Variants in SYNJ1 observed in about 807,000 individuals in gnomAD.
SYNJ1 encodes the protein synaptojanin 1, also known as polyphosphatidylinositol phosphatase SYNJ1.
SYNJ1 carries 78 observed loss-of-function variants against 168.2 expected under a neutral mutation model. The ratio of observed to expected loss-of-function variants is 0.46; its 90% confidence interval spans 0.39 to 0.56. The LOEUF (loss-of-function observed/expected upper bound fraction) is 0.56. SYNJ1 is among the 20% of genes least tolerant of loss of function. The pLI is 0.00. For synonymous variants in SYNJ1, 539 were observed against 548.6 expected (o/e 0.98, Z 0.24); for missense variants, 1,303 against 1,597.6 (o/e 0.82, Z 3.14).
chr21:32,701,092 A>G (rs544155421), intron 3 of SYNJ1, among the ~76,000 whole-genome samples: 1 of 152,204 alleles, frequency 6.6e-6, no homozygotes, highest in Non-Finnish European at 1.5e-5. Context: ...CTGAGATATC[A>G]TCTCTTATAA....
In SYNJ1 at chr21:32,671,993, A is replaced by G. The variant is rs199879793; in HGVS notation, c.1726+1347T>C. Among the ~76,000 whole-genome samples the G allele has an allele frequency of 3.7e-5, 5 of 136,348 alleles. No individual in the cohort carries two copies. In the East Asian group the frequency reaches 1.1e-3, roughly 29 times the overall value. 89.4% of individuals were successfully genotyped at this position (136,348 alleles called of 152,430 possible). ...AGAATCGTTTGAACTCGGGAGGTAG[A>G]GGTTGCAGTGAGCCGAGATCCTGCC... On this transcript the variant is annotated intron_variant, in intron 14 of 32. Coordinates refer to ENST00000674351, the MANE Select transcript of SYNJ1 (RefSeq NM_203446.3).
chr21:32,679,774 A>G (rs752789255), intron 11 of SYNJ1, among the ~76,000 whole-genome samples: 18 of 152,124 alleles, frequency 1.2e-4, no homozygotes, highest in African/African-American at 2.4e-4. Flanking sequence ...TTCTTTCTAT[A>G]TAATAGCATA....
chr21:32,712,523 A>G (rs1353250513), intron 2 of SYNJ1, among the ~76,000 whole-genome samples: 1 of 152,016 alleles, frequency 6.6e-6, no homozygotes, highest in Non-Finnish European at 1.5e-5. Flanking sequence ...TTTAAACTTC[A>G]CATTCCAATC....
At position 32,630,969 on chromosome 21, in the gene SYNJ1, T is replaced by TA; in HGVS notation, c.*835dup. 6.3e-7 allele frequency: 1 copy of TA among 1,589,786 alleles called. No individual in the cohort carries two copies. Among genetic ancestry groups the TA allele is most frequent in the Non-Finnish European group, 8.6e-7 (1 of 1,167,584 alleles). On this transcript the variant is annotated 3_prime_UTR_variant, in exon 33 of 33. Coordinates refer to ENST00000674351, the MANE Select transcript of SYNJ1 (RefSeq NM_203446.3). ...TTAGCTCTATCCTGCCAAAAGCAAG[T>TA]ACCCACTGTTTTCTATTGCATGGCG...
chr21:32,652,346 G>A (rs1293541762), intron 22 of SYNJ1, among the ~76,000 whole-genome samples: 4 of 152,082 alleles, frequency 2.6e-5, no homozygotes, highest in Non-Finnish European at 5.9e-5. Flanking sequence ...GATTACAGGC[G>A]CCCACCACCA....
chr21:32,639,102 G>T lies in SYNJ1; in HGVS notation c.3721C>A (p.Leu1241Met), dbSNP rs2230766. 7.1e-5 allele frequency: 115 copies of T among 1,613,358 alleles called. 1 individual carries two copies. In the South Asian group the frequency reaches 1.2e-3, roughly 17 times the overall value. ...GGAGGAAAAGCAGCCTGAGGCTTCA[G>T]TGGTTCAGGAAGGAAAGTTGAACCT... ...SKGSTFLPEP[L>M]KPQAAFPPQS... Residue 1241 changes from leucine to methionine, a missense_variant, in exon 31 of 33, where the codon CTG (leucine) becomes ATG (methionine). By Grantham distance (15) the Leu-to-Met change is conservative (BLOSUM62 2). Transcript: ENST00000674351.
chr21:32,728,023 G>C, upstream of SYNJ1: 1 of 1,535,682 alleles, frequency 6.5e-7, no homozygotes, highest in African/African-American at 1.4e-5. Flanking sequence ...CGCTCCAGCA[G>C]GCCCATCTCT....
intron 6 of SYNJ1, among the ~76,000 whole-genome samples, chr21:32,691,223 T>C (rs1000683028): frequency 4.6e-5 from 7 of 152,200 alleles, no homozygotes; most frequent in Non-Finnish European, 8.8e-5. Flanking sequence ...TGCCCCCTTG[T>C]ATTGTTCTCA....
intron 4 of SYNJ1, 119 bp from the exon 5 acceptor site, chr21:32,695,401 A>C: frequency 1.0e-6 from 1 of 962,612 alleles, no homozygotes. Context: ...ACAAACAACA[A>C]ATCAATTCAT....
At chr21:32,709,064 G>C (rs1419919285) in intron 2 of SYNJ1, among the ~76,000 whole-genome samples, 1 of 152,072 alleles carries the variant, frequency 6.6e-6, no homozygotes, top group Non-Finnish European at 1.5e-5. Context: ...ATTTTTCAAT[G>C]GCTTGTTAAT....
intron 9 of SYNJ1, among the ~76,000 whole-genome samples, chr21:32,685,425 C>CA (rs57470866): frequency 0.38 from 25,261 of 66,894 alleles, 4,627 homozygotes; most frequent in South Asian, 0.44. Context: ...CCGTCTCTAC[C>CA]AAAAAAAAAA....
chr21:32,724,723 C>T lies in SYNJ1; in HGVS notation c.124+2049G>A, dbSNP rs11908780. On this transcript the variant is annotated intron_variant, in intron 2 of 32. Transcript: ENST00000674351. Reference sequence around the variant, plus strand: ...CCTTGGTATCACTCCAAAATGAAGGCCAAATTAATTTTAAAAGTCAAATGA... The same window carrying T: ...CCTTGGTATCACTCCAAAATGAAGGTCAAATTAATTTTAAAAGTCAAATGA... 2.3e-3 allele frequency among the ~76,000 whole-genome samples: 344 copies of T among 151,518 alleles called. 2 individuals carry two copies. The highest frequency in any genetic ancestry group is 7.3e-3 in the African/African-American group (301 of 41,098).
At position 32,701,792 on chromosome 21, in the gene SYNJ1, G is replaced by T. The variant is rs114291633; in HGVS notation, c.211+169C>A. On this transcript the variant is annotated intron_variant, in intron 3 of 32. Transcript: ENST00000674351. Reference sequence around the variant, plus strand: ...TTTGAGCATGTAGCACGCCTTTTTGGGCAACAAACATTATCACAATATTAG... The same window carrying T: ...TTTGAGCATGTAGCACGCCTTTTTGTGCAACAAACATTATCACAATATTAG... Among the ~76,000 whole-genome samples, 1,926 of 152,128 alleles carry T rather than the reference G, an allele frequency of 0.013. 47 individuals are homozygous for T. Among genetic ancestry groups the T allele is most frequent in the African/African-American group, 0.044 (1,818 of 41,496 alleles).
intron 15 of SYNJ1, among the ~76,000 whole-genome samples, chr21:32,669,225 G>C (rs2041081344): frequency 6.6e-6 from 1 of 152,044 alleles, no homozygotes. Flanking sequence ...TCCCTTAAAA[G>C]AACTAATGAC....
At chr21:32,647,898 ACC>A (rs1008508736) in intron 23 of SYNJ1, among the ~76,000 whole-genome samples, 5 of 151,698 alleles carry the variant, frequency 3.3e-5, no homozygotes, top group African/African-American at 1.2e-4. Context: ...TCTTCCCCTC[ACC>A]CTTTGCTCTT....
chr21:32,683,395 T>C (rs2041698333), intron 10 of SYNJ1, among the ~76,000 whole-genome samples: 1 of 152,046 alleles, frequency 6.6e-6, no homozygotes, highest in Non-Finnish European at 1.5e-5. Flanking sequence ...GAAGTTGAAT[T>C]GCATTCATTT....
chr21:32,664,773 T>C (rs1425934603), intron 18 of SYNJ1, 140 bp downstream of exon 18: 2 of 648,428 alleles, frequency 3.1e-6, no homozygotes, highest in Admixed American at 3.1e-5. Flanking sequence ...TAAGGAAAGA[T>C]AATTCTATTA....
chr21:32,707,611 G>A (rs2042662766), intron 2 of SYNJ1, among the ~76,000 whole-genome samples: 1 of 152,122 alleles, frequency 6.6e-6, no homozygotes, highest in South Asian at 2.1e-4. Flanking sequence ...TGGGATTACA[G>A]GCATGAGCAA....
At position 32,643,448 on chromosome 21, in the gene SYNJ1, G is replaced by A. The variant is rs771833786; in HGVS notation, c.3440C>T (p.Ala1147Val). The change falls in exon 27 of 33, where the codon GCC becomes GTC. Residue 1147 changes from alanine (A) to valine (V), a missense_variant. Around this residue, in one of 2 missense-constraint regions of SYNJ1, gnomAD observed 383 missense variants for 388.8 expected, o/e 0.99. Transcript: ENST00000674351. ...CCTAGCTACCCCAGGACTGGGAGGG[G>A]CTCCAATACCTTTTTAGAGAAAGAA... ...PTRKEFGGIGAPPSPGVARRE... is the reference protein window; with the variant it reads ...PTRKEFGGIGVPPSPGVARRE... The A allele has an allele frequency of 5.6e-6, 9 of 1,613,602 alleles. No individual in the cohort carries two copies. Among genetic ancestry groups the A allele is most frequent in the Non-Finnish European group, 7.6e-6 (9 of 1,179,700 alleles).
Sources: gnomAD v4.1 joint callset for allele counts (sites outside exome capture counted in the v4.1 genomes callset) on GRCh38, gnomAD v4.1.1 for gene constraint, gnomAD v4.1.1 regional missense constraint, MANE v1.5 for transcripts, NCBI Gene and HGNC (gene_info 2026-07-23, HGNC 2026-07-21) for gene names.